The following GOSR1 variants were observed in gnomAD, a reference collection of about 807,000 sequenced individuals.
GOSR1 encodes the protein 28 kDa Golgi SNARE protein.
Under a neutral mutation model 35.5 loss-of-function variants are expected in GOSR1, and 21 were observed. The ratio of observed to expected loss-of-function variants is 0.59; its 90% confidence interval spans 0.42 to 0.85. The LOEUF (loss-of-function observed/expected upper bound fraction) is 0.85, where lower values mean the gene tolerates loss of function less well. Among genes scored for constraint, GOSR1 ranks in the 40% least tolerant of loss-of-function variants. GOSR1 has a pLI of 0.00. For synonymous variants in GOSR1, 94 were observed against 106.6 expected, an observed-to-expected ratio of 0.88 and a Z score of 0.73; for missense variants, 285 against 309.6, an observed-to-expected ratio of 0.92 and a Z score of 0.60.
At chr17:30,498,470 T>A (rs1967081957) in intron 6 of GOSR1, among the ~76,000 whole-genome samples, 1 of 152,288 alleles carries the variant, frequency 6.6e-6, no homozygotes, top group African/African-American at 2.4e-5. Context: ...GTGCGTACCC[T>A]AGAGGAGCAC....
intron 6 of GOSR1, among the ~76,000 whole-genome samples, chr17:30,493,075 C>A (rs1915145759): frequency 1.3e-5 from 2 of 151,884 alleles, no homozygotes; most frequent in South Asian, 2.1e-4. Flanking sequence ...CTCACTGCAG[C>A]CGCTTGCCTC....
intron 4 of GOSR1, among the ~76,000 whole-genome samples, chr17:30,486,455 T>C (rs1262532283): frequency 1.4e-5 from 2 of 146,166 alleles, no homozygotes; most frequent in African/African-American, 5.1e-5. Flanking sequence ...ACCTGGGAGG[T>C]GGAGGTTGCA....
intron 6 of GOSR1, among the ~76,000 whole-genome samples, chr17:30,498,556 G>C (rs1347704517): frequency 2.6e-5 from 4 of 152,152 alleles, no homozygotes; most frequent in Admixed American, 6.5e-5. Context: ...TGGTTCTTGA[G>C]GAATGAGTAG....
rs369050257 is a variant in GOSR1 at position 30,499,444 on chromosome 17, A to C, written c.509+6691A>C. ...GCAACCTCCACCTCCTGGGTTCATGACATTCTCCTGCCTCAGCCTCCCAAG... is the reference window on the plus strand; with the variant it reads ...GCAACCTCCACCTCCTGGGTTCATGCCATTCTCCTGCCTCAGCCTCCCAAG... On this transcript the variant is annotated intron_variant, in intron 6 of 8. Coordinates refer to ENST00000451249, the MANE Select transcript of GOSR1 (RefSeq NM_001007025.2). Among the ~76,000 whole-genome samples the C allele has an allele frequency of 1.2e-3, 186 of 149,406 alleles. 6 individuals carry two copies. The South Asian group carries it at 0.037, about 30-fold the overall frequency.
intron 7 of GOSR1, among the ~76,000 whole-genome samples, chr17:30,515,903 C>T (rs1967791107): frequency 6.6e-6 from 1 of 152,292 alleles, no homozygotes; most frequent in South Asian, 2.1e-4. Context: ...CATTAAAACA[C>T]ATAGGAAATC....
intron 6 of GOSR1, among the ~76,000 whole-genome samples, chr17:30,510,256 T>C (rs1454789420): frequency 6.6e-6 from 1 of 152,084 alleles, no homozygotes; most frequent in African/African-American, 2.4e-5. Flanking sequence ...GTATTTTTGG[T>C]AGAGACAGAG....
intron 6 of GOSR1, among the ~76,000 whole-genome samples, chr17:30,501,335 A>G (rs1967197231): frequency 2.0e-5 from 3 of 152,198 alleles, no homozygotes; most frequent in South Asian, 4.1e-4. Context: ...AACAACAGTA[A>G]GATACCACTG....
In GOSR1 at chr17:30,525,965, T is replaced by G. The variant is rs1200452603; in HGVS notation, c.*3587T>G. The stretch of plus-strand genomic sequence containing the variant: ...CAGCTAGGCCAGTGCTTTTTCCTCT[T>G]AGGGTTTCTTTGCAGAAAGAAACCT... On this transcript the variant is annotated 3_prime_UTR_variant, in exon 9 of 9. Coordinates refer to ENST00000451249, the MANE Select transcript of GOSR1 (RefSeq NM_001007025.2). 1.3e-5 allele frequency: 2 copies of G among 152,252 alleles called. No homozygotes were observed. The highest frequency in any genetic ancestry group is 2.9e-5 in the Non-Finnish European group (2 of 68,072). 9.4% of individuals were successfully genotyped at this position (152,252 alleles called of 1,614,324 possible).
At chr17:30,497,704 A>G (rs1349962958) in intron 6 of GOSR1, among the ~76,000 whole-genome samples, 1 of 152,240 alleles carries the variant, frequency 6.6e-6, no homozygotes, top group Non-Finnish European at 1.5e-5. Flanking sequence ...GAACCCGTCA[A>G]TGCCAGAATG....
intron 4 of GOSR1, among the ~76,000 whole-genome samples, chr17:30,488,506 A>T (rs1451273035): frequency 6.6e-6 from 1 of 151,250 alleles, no homozygotes; most frequent in Non-Finnish European, 1.5e-5. Context: ...AGTTTAAAAA[A>T]TATATGTAAG....
chr17:30,523,576 G>C lies in GOSR1; in HGVS notation c.*1198G>C, dbSNP rs1439408211. The C allele has an allele frequency of 1.3e-5, 2 of 157,636 alleles. No homozygotes were observed. The highest frequency in any genetic ancestry group is 4.9e-5 in the African/African-American group (2 of 40,874). The allele number at this position is 157,636 out of a possible 1,614,324, so 9.8% of individuals were successfully genotyped here. ...GCCGCCCCGTCCGGGAGGGAGGTGG[G>C]GGGGATCAGCCCCCCGCCCGGCCAG... On this transcript the variant is annotated 3_prime_UTR_variant, in exon 9 of 9. Transcript: ENST00000451249.
chr17:30,495,625 C>T (rs2143730592), intron 6 of GOSR1: 2 of 325,414 alleles, frequency 6.1e-6, no homozygotes, highest in South Asian at 4.8e-5. Context: ...TGTCAGCCAA[C>T]ACATTTTCTC....
chr17:30,486,851 A>G (rs1389745552), intron 4 of GOSR1, among the ~76,000 whole-genome samples: 1 of 152,218 alleles, frequency 6.6e-6, no homozygotes, highest in Non-Finnish European at 1.5e-5. Context: ...GGAAAGAATC[A>G]TTCTGTTTTT....
At chr17:30,484,900 T>A in intron 4 of GOSR1, 130 bp downstream of exon 4, 1 of 701,384 alleles carries the variant, frequency 1.4e-6, no homozygotes, top group Non-Finnish European at 2.6e-6. Context: ...ATAAATGCCA[T>A]GCTAAAGGGA....
chr17:30,485,772 A>G (rs986620752), intron 4 of GOSR1, among the ~76,000 whole-genome samples: 1 of 152,218 alleles, frequency 6.6e-6, no homozygotes, highest in African/African-American at 2.4e-5. Context: ...CTGTAATCCC[A>G]GCACTTTGGG....
chr17:30,517,367 T>A (rs1437102481), intron 7 of GOSR1, among the ~76,000 whole-genome samples: 1 of 152,208 alleles, frequency 6.6e-6, no homozygotes, highest in East Asian at 1.9e-4. Context: ...CTTACTGATA[T>A]ACAACTTTTT....
chr17:30,515,459 C>T (rs926665326), intron 7 of GOSR1, among the ~76,000 whole-genome samples: 3 of 152,092 alleles, frequency 2.0e-5, no homozygotes, highest in Non-Finnish European at 4.4e-5. Context: ...TCACTGGGGA[C>T]TTCAAATTGC....
rs1968122132 is a variant in GOSR1 at position 30,523,589 on chromosome 17, C to A, written c.*1211C>A. On this transcript the variant is annotated 3_prime_UTR_variant, in exon 9 of 9. Transcript: ENST00000451249. ...GGAGGGAGGTGGGGGGGATCAGCCC[C>A]CCGCCCGGCCAGCCGCCCCGTCCGG... 1 of 157,754 alleles carries A rather than the reference C, an allele frequency of 6.3e-6. No individual in the cohort carries two copies. Among genetic ancestry groups the A allele is most frequent in the African/African-American group, 2.4e-5 (1 of 40,932 alleles). 9.8% of individuals were successfully genotyped at this position (157,754 alleles called of 1,614,324 possible).
rs1429017929 is a variant in GOSR1 at position 30,525,634 on chromosome 17, T to A, written c.*3256T>A. On this transcript the variant is annotated 3_prime_UTR_variant, in exon 9 of 9. Coordinates refer to ENST00000451249, the MANE Select transcript of GOSR1 (RefSeq NM_001007025.2). ...AATAAAGTTATTTATTTAATTATAC[T>A]ACCAGTCTTTTTTACTGGTCTGATT... The A allele has an allele frequency of 6.6e-6, 1 of 152,208 alleles. No individual in the cohort carries two copies. Among genetic ancestry groups the A allele is most frequent in the Non-Finnish European group, 1.5e-5 (1 of 68,046 alleles). The allele number at this position is 152,208 out of a possible 1,614,324, so 9.4% of individuals were successfully genotyped here.
Sources: gnomAD v4.1 joint callset for allele counts (sites outside exome capture counted in the v4.1 genomes callset) on GRCh38, gnomAD v4.1.1 for gene constraint, MANE v1.5 for transcripts, NCBI Gene and HGNC (gene_info 2026-07-23, HGNC 2026-07-21) for gene names.